The following CAMK2D variants were observed in gnomAD, a reference collection of about 807,000 sequenced individuals.
CAMK2D encodes the protein calcium/calmodulin-dependent protein kinase type II subunit delta.
CAMK2D carries 37 observed loss-of-function variants against 84.0 expected under a neutral mutation model. That is an observed-to-expected ratio of 0.44 (90% CI 0.34 to 0.58). The LOEUF (loss-of-function observed/expected upper bound fraction) is 0.58. Ranked by LOEUF, CAMK2D falls within the 20% of genes least tolerant of loss-of-function variation. The probability of loss-of-function intolerance (pLI) is 0.02; values close to 1 mark genes in which losing one functional copy is unlikely to be tolerated. For missense variants in CAMK2D, 448 were observed against 652.5 expected, an observed-to-expected ratio of 0.69 and a Z score of 3.41; for synonymous variants, 202 against 212.5, an observed-to-expected ratio of 0.95 and a Z score of 0.43.
Position 113,514,165 on chromosome 4 carries a change from A to G in CAMK2D, c.820-252T>C, listed in dbSNP as rs111677750. The stretch of plus-strand genomic sequence containing the variant: ...CGCGGTGGGTCACGCCTGTAATTCC[A>G]GCACTTTGGAAGGCCAAGGCGGGTG... On this transcript the variant is annotated intron_variant, in intron 10 of 20. Transcript: ENST00000511664. Among the ~76,000 whole-genome samples, 799 of 152,360 alleles carry G rather than the reference A, an allele frequency of 5.2e-3. 7 individuals are homozygous for G. Among genetic ancestry groups the G allele is most frequent in the African/African-American group, 0.018 (746 of 41,586 alleles).
chr4:113,556,185 A>T (rs2098663512), intron 4 of CAMK2D, among the ~76,000 whole-genome samples: 1 of 152,322 alleles, frequency 6.6e-6, no homozygotes, highest in Middle Eastern at 3.4e-3. Flanking sequence ...TGAAGTAGAT[A>T]CTAGTGCTAT....
intron 16 of CAMK2D, among the ~76,000 whole-genome samples, chr4:113,470,623 C>T (rs1038925029): frequency 4.8e-5 from 7 of 144,330 alleles, no homozygotes; most frequent in Admixed American, 7.5e-5. Context: ...GGTGACAGAG[C>T]GAGACTTTGT....
chr4:113,482,338 AG>A (rs2097710715), intron 16 of CAMK2D, among the ~76,000 whole-genome samples: 2 of 152,236 alleles, frequency 1.3e-5, no homozygotes, highest in East Asian at 3.8e-4. Context: ...GTGGGGTATA[AG>A]CAAAACTAAG....
chr4:113,749,286 A>T (rs1026790223), intron 2 of CAMK2D, among the ~76,000 whole-genome samples: 1 of 131,494 alleles, frequency 7.6e-6, no homozygotes, highest in African/African-American at 2.8e-5. Flanking sequence ...GTCTTGCAAC[A>T]TATCACACAA....
chr4:113,518,167 C>T (rs1049433209), intron 8 of CAMK2D, among the ~76,000 whole-genome samples: 1 of 152,102 alleles, frequency 6.6e-6, no homozygotes, highest in African/African-American at 2.4e-5. Context: ...CCCATAGAGA[C>T]AAAACCCTTT....
Position 113,513,479 on chromosome 4 carries a change from G to A in CAMK2D, c.904-109C>T, listed in dbSNP as rs915521657. 5 of 794,792 alleles carry A rather than the reference G, an allele frequency of 6.3e-6. No homozygotes were observed. In the African/African-American group the frequency reaches 7.0e-5, roughly 11 times the overall value. 49.2% of individuals were successfully genotyped at this position (794,792 alleles called of 1,614,324 possible). On this transcript the variant is annotated intron_variant, in intron 11 of 20. Transcript: ENST00000511664. ...CTTTTCCTGGCCCTACTTTCAGTTA[G>A]GGGATTTTTTATTGTTTGTTTTTGT...
intron 4 of CAMK2D, among the ~76,000 whole-genome samples, chr4:113,580,777 T>C (rs1237168585): frequency 1.3e-5 from 2 of 152,142 alleles, no homozygotes; most frequent in African/African-American, 4.8e-5. Context: ...TATTCAGGGC[T>C]CTGAGTGCAA....
intron 2 of CAMK2D, among the ~76,000 whole-genome samples, chr4:113,712,741 A>G (rs2099497884): frequency 6.6e-6 from 1 of 152,050 alleles, no homozygotes; most frequent in Non-Finnish European, 1.5e-5. Flanking sequence ...CCATGTTTAA[A>G]CCAATATTAA....
At chr4:113,460,268 C>T (rs113419560) in intron 17 of CAMK2D, 27 bp from the exon 18 acceptor site, 3 of 1,200,258 alleles carry the variant, frequency 2.5e-6, no homozygotes, top group Non-Finnish European at 3.7e-6. Context: ...ATGAAAACAA[C>T]CAATTAATAG....
At chr4:113,760,921 A>G (rs991898809) in intron 1 of CAMK2D, 83 bp downstream of exon 1, 1 of 1,569,716 alleles carries the variant, frequency 6.4e-7, no homozygotes, top group African/African-American at 1.4e-5. Flanking sequence ...CCTCGCCCCA[A>G]GACGGAGGCC....
chr4:113,653,186 G>A (rs2099182911), intron 3 of CAMK2D, among the ~76,000 whole-genome samples: 1 of 151,846 alleles, frequency 6.6e-6, no homozygotes, highest in African/African-American at 2.4e-5. Flanking sequence ...AGGAAAAAAA[G>A]CTAAAACAGA....
chr4:113,697,274 A>G (rs1458351438), intron 2 of CAMK2D, among the ~76,000 whole-genome samples: 1 of 152,142 alleles, frequency 6.6e-6, no homozygotes, highest in Non-Finnish European at 1.5e-5. Context: ...TAGGCACCAG[A>G]GGCACTAAGA....
rs118159284 is a variant in CAMK2D, at chr4:113,735,543, G to A, written c.160+23777C>T. Among the ~76,000 whole-genome samples the A allele has an allele frequency of 2.8e-4, 42 of 152,080 alleles. No individual in the cohort carries two copies. The East Asian group carries it at 5.6e-3, about 20-fold the overall frequency. On this transcript the variant is annotated intron_variant, in intron 2 of 20. Transcript: ENST00000511664. ...TGTATAACTTACAGAGATCAATAAA[G>A]TATATATGGTGCTTTATAATTTACA...
At chr4:113,528,826 A>C (rs2098439156) in intron 8 of CAMK2D, among the ~76,000 whole-genome samples, 1 of 152,122 alleles carries the variant, frequency 6.6e-6, no homozygotes, top group Non-Finnish European at 1.5e-5. Flanking sequence ...CTGGGAGCTG[A>C]TTTATTGCAA....
rs887017581 is a variant in CAMK2D at position 113,501,688 on chromosome 4, T to A, written c.1087-1177A>T. Among the ~76,000 whole-genome samples, 3 of 151,996 alleles carry A rather than the reference T, an allele frequency of 2.0e-5. 1 individual carries two copies. The East Asian group carries it at 5.8e-4, about 29-fold the overall frequency. ...CTAGTATTCAAATGTAAGCTGAAAA[T>A]GAAGGTAAACCCATGCACTGTAAAA... On this transcript the variant is annotated intron_variant, in intron 15 of 20. Transcript: ENST00000511664.
At chr4:113,587,530 T>C (rs1344966061) in intron 4 of CAMK2D, among the ~76,000 whole-genome samples, 1 of 152,188 alleles carries the variant, frequency 6.6e-6, no homozygotes, top group African/African-American at 2.4e-5. Context: ...TTCTTAATTA[T>C]TTTTTGCTTT....
At chr4:113,639,632 A>C (rs1033892185) in intron 3 of CAMK2D, among the ~76,000 whole-genome samples, 2 of 152,052 alleles carry the variant, frequency 1.3e-5, no homozygotes, top group Non-Finnish European at 2.9e-5. Context: ...TGAGGCCTAA[A>C]CAGAAAGGAG....
chr4:113,652,248 A>C (rs1011828276), intron 3 of CAMK2D, among the ~76,000 whole-genome samples: 1 of 152,180 alleles, frequency 6.6e-6, no homozygotes, highest in African/African-American at 2.4e-5. Flanking sequence ...TAAAATGGAG[A>C]CAAGAATGAT....
chr4:113,633,771 T>A (rs2099099663), intron 3 of CAMK2D, among the ~76,000 whole-genome samples: 1 of 151,578 alleles, frequency 6.6e-6, no homozygotes, highest in Non-Finnish European at 1.5e-5. Flanking sequence ...CATCTCTGCC[T>A]TCTTTCCCTC....
Sources: allele counts gnomAD v4.1 joint callset (sites outside exome capture counted in the v4.1 genomes callset), GRCh38; gene constraint gnomAD v4.1.1; transcripts MANE v1.5; gene names NCBI Gene and HGNC (gene_info 2026-07-23, HGNC 2026-07-21).